Variants in ZDHHC14 observed in about 807,000 individuals in gnomAD.
ZDHHC14 encodes palmitoyltransferase ZDHHC14.
In ZDHHC14, 16 loss-of-function variants were observed where a neutral mutation model predicts 47.7. That is an observed-to-expected ratio of 0.34 (90% CI 0.23 to 0.51). The LOEUF is 0.51. Among genes scored for constraint, ZDHHC14 ranks in the 20% least tolerant of loss-of-function variants. The pLI is 0.97. For synonymous variants in ZDHHC14, 293 were observed against 278.9 expected (o/e 1.05, Z -0.50); for missense variants, 515 against 662.5 (o/e 0.78, Z 2.44).
intron 1 of ZDHHC14, among the ~76,000 whole-genome samples, chr6:157,484,401 T>C (rs1457658580): frequency 2.8e-5 from 4 of 145,312 alleles, no homozygotes; most frequent in East Asian, 3.9e-4. Flanking sequence ...TATATATACA[T>C]ATATATGTAT....
intron 8 of ZDHHC14, among the ~76,000 whole-genome samples, chr6:157,657,212 G>A (rs892387963): frequency 6.6e-6 from 1 of 152,034 alleles, no homozygotes; most frequent in African/African-American, 2.4e-5. Context: ...ACCATGCCCA[G>A]CTAATTTTTG....
chr6:157,430,149 T>A (rs977557134), intron 1 of ZDHHC14, among the ~76,000 whole-genome samples: 7 of 151,928 alleles, frequency 4.6e-5, no homozygotes, highest in Non-Finnish European at 8.8e-5. Context: ...ACCCCGTCTC[T>A]ACTAAAAAAT....
chr6:157,580,269 C>A (rs892402957), intron 2 of ZDHHC14, among the ~76,000 whole-genome samples: 2 of 152,042 alleles, frequency 1.3e-5, no homozygotes, highest in African/African-American at 4.8e-5. Flanking sequence ...GGTGGATTAA[C>A]TTTTTGATGT....
chr6:157,430,839 A>G (rs1293192903), intron 1 of ZDHHC14, among the ~76,000 whole-genome samples: 1 of 152,238 alleles, frequency 6.6e-6, no homozygotes, highest in Non-Finnish European at 1.5e-5. Context: ...TTTGTGTGGC[A>G]TACAGTAGGG....
chr6:157,609,223 C>T (rs1784662540), intron 3 of ZDHHC14, among the ~76,000 whole-genome samples: 1 of 152,094 alleles, frequency 6.6e-6, no homozygotes, highest in African/African-American at 2.4e-5. Context: ...GGGATCAGCT[C>T]CAAAGAGCCA....
chr6:157,451,999 C>G (rs1039812541), intron 1 of ZDHHC14, among the ~76,000 whole-genome samples: 3 of 152,156 alleles, frequency 2.0e-5, no homozygotes, highest in Non-Finnish European at 4.4e-5. Context: ...GGGATGCTGA[C>G]AGTCTCCAGT....
intron 1 of ZDHHC14, among the ~76,000 whole-genome samples, chr6:157,507,983 T>A (rs889407506): frequency 1.3e-5 from 2 of 152,266 alleles, no homozygotes; most frequent in Admixed American, 6.5e-5. Flanking sequence ...TATACAAATA[T>A]GAATGGAAAA....
At chr6:157,662,519 C>T (rs1289242818) in intron 8 of ZDHHC14, among the ~76,000 whole-genome samples, 1 of 152,262 alleles carries the variant, frequency 6.6e-6, no homozygotes, top group Non-Finnish European at 1.5e-5. Flanking sequence ...AATGTATGTG[C>T]AAATTCCCCT....
chr6:157,659,458 G>GT (rs1285930953), intron 8 of ZDHHC14, among the ~76,000 whole-genome samples: 1 of 152,278 alleles, frequency 6.6e-6, no homozygotes, highest in South Asian at 2.1e-4. Flanking sequence ...GTCAAAACAC[G>GT]GACAAATGAG....
rs1273972171 is a variant in ZDHHC14 at position 157,515,464 on chromosome 6, T to C, written c.246-27121T>C. Among the ~76,000 whole-genome samples the C allele has an allele frequency of 2.5e-4, 37 of 145,822 alleles. 3 individuals carry two copies. The highest frequency in any genetic ancestry group is 1.4e-3 in the South Asian group (6 of 4,362). ...CTCTTTCTTTTTCTTTTTCTTTTTTTTTTTTTTTTTTTTTGGAGACGGAGT... is the reference window on the plus strand; with the variant it reads ...CTCTTTCTTTTTCTTTTTCTTTTTTCTTTTTTTTTTTTTTGGAGACGGAGT... On this transcript the variant is annotated intron_variant, in intron 1 of 8. Coordinates refer to ENST00000359775, the MANE Select transcript of ZDHHC14 (RefSeq NM_024630.3).
intron 3 of ZDHHC14, among the ~76,000 whole-genome samples, chr6:157,610,892 G>A (rs79204156): frequency 4.6e-5 from 7 of 152,228 alleles, no homozygotes; most frequent in Non-Finnish European, 1.0e-4. Context: ...TGTAGAATGA[G>A]AAATAGAACT....
chr6:157,656,686 G>A (rs1299701007), intron 8 of ZDHHC14, among the ~76,000 whole-genome samples: 10 of 143,350 alleles, frequency 7.0e-5, no homozygotes, highest in Non-Finnish European at 1.4e-4. Context: ...TGAGCACTGT[G>A]TCAGGAAGCT....
intron 8 of ZDHHC14, among the ~76,000 whole-genome samples, chr6:157,671,782 T>G (rs1778808714): frequency 6.6e-6 from 1 of 152,232 alleles, no homozygotes. Context: ...TTGAAGCTGT[T>G]GGAAATTTAG....
At chr6:157,655,783 C>T (rs947862192) in intron 8 of ZDHHC14, among the ~76,000 whole-genome samples, 1 of 152,186 alleles carries the variant, frequency 6.6e-6, no homozygotes, top group African/African-American at 2.4e-5. Context: ...GAATTGACCA[C>T]CGATGGCAAA....
At chr6:157,542,463 C>G in intron 1 of ZDHHC14, 122 bp from the exon 2 acceptor site, 1 of 1,331,054 alleles carries the variant, frequency 7.5e-7, no homozygotes, top group Non-Finnish European at 1.0e-6. Flanking sequence ...TAATGGAAAT[C>G]AATTTCTCTC....
chr6:157,535,648 T>G (rs1781520962), intron 1 of ZDHHC14, among the ~76,000 whole-genome samples: 1 of 152,218 alleles, frequency 6.6e-6, no homozygotes, highest in East Asian at 1.9e-4. Flanking sequence ...CCTGGCTCTG[T>G]GCGTCTGGGG....
At chr6:157,566,944 G>A (rs1272462540) in intron 2 of ZDHHC14, among the ~76,000 whole-genome samples, 2 of 150,968 alleles carry the variant, frequency 1.3e-5, no homozygotes, top group African/African-American at 2.4e-5. Flanking sequence ...TCTGCCACCC[G>A]GGTTCAAGCC....
rs368617306 is a variant in ZDHHC14, at chr6:157,618,280, C to G, written c.566-10069C>G. On this transcript the variant is annotated intron_variant, in intron 3 of 8. Coordinates refer to ENST00000359775, the MANE Select transcript of ZDHHC14 (RefSeq NM_024630.3). ...GGAGAATGACCGAAGACCACCAACA[C>G]ACGAAGACCGTTTTTGAGGCTATAC... is the stretch of plus-strand genomic sequence containing the variant. Among the ~76,000 whole-genome samples the G allele has an allele frequency of 2.0e-5, 3 of 152,138 alleles. No homozygotes were observed. The East Asian group carries it at 5.8e-4, about 29-fold the overall frequency.
intron 3 of ZDHHC14, among the ~76,000 whole-genome samples, chr6:157,619,222 A>G (rs922159354): frequency 1.4e-5 from 2 of 145,586 alleles, no homozygotes; most frequent in African/African-American, 5.7e-5. Flanking sequence ...CTCTACTAAA[A>G]ATTAAAAAAA....
Sources: gnomAD v4.1 joint callset for allele counts (sites outside exome capture counted in the v4.1 genomes callset) on GRCh38, gnomAD v4.1.1 for gene constraint, MANE v1.5 for transcripts, NCBI Gene and HGNC (gene_info 2026-07-23, HGNC 2026-07-21) for gene names.